The following DOCK6 variants were observed in gnomAD, a reference collection of about 807,000 sequenced individuals.
The protein encoded by DOCK6 is dedicator of cytokinesis 6.
In DOCK6, 167 loss-of-function variants were observed where a neutral mutation model predicts 230.3. The ratio of observed to expected loss-of-function variants is 0.73; its 90% CI spans 0.64 to 0.82. The LOEUF (loss-of-function observed/expected upper bound fraction) is 0.82. Among genes scored for constraint, DOCK6 ranks in the 40% least tolerant of loss-of-function variants. The pLI is 0.00. For synonymous variants in DOCK6, 1,148 were observed against 1,185.0 expected, an observed-to-expected ratio of 0.97 and a Z score of 0.64; for missense variants, 2,598 against 2,825.8, an observed-to-expected ratio of 0.92 and a Z score of 1.83.
At chr19:11,253,286 G>A (rs1375095028) in intron 2 of DOCK6, among the ~76,000 whole-genome samples, 2 of 152,186 alleles carry the variant, frequency 1.3e-5, no homozygotes, top group Non-Finnish European at 2.9e-5. Flanking sequence ...GCAACCCTGT[G>A]GGCAACATGG....
intron 34 of DOCK6, among the ~76,000 whole-genome samples, chr19:11,213,715 GC>G (rs2079432722): frequency 1.3e-5 from 2 of 150,750 alleles, no homozygotes; most frequent in South Asian, 4.2e-4. Flanking sequence ...CCAGGCTCAA[GC>G]CATCCTCCTG....
At position 11,235,599 on chromosome 19, in the gene DOCK6, A is replaced by G. The variant is rs773427799; in HGVS notation, c.2553T>C (p.Asp851=). Reference sequence around the variant, plus strand: ...TCACAGGGATTTCTACAAACTCACCATCCGGGAGGCTGGGCTCAGTGCCAG... The same window carrying G: ...TCACAGGGATTTCTACAAACTCACCGTCCGGGAGGCTGGGCTCAGTGCCAG... ...RLPGTEPSLP[D]GAPPVTVQAA... is the part of the protein sequence containing the mutation. Residue 851 remains aspartate, a splice_region_variant and synonymous_variant, in exon 21 of 48, where the codon GAT becomes GAC. Transcript: ENST00000294618. The G allele has an allele frequency of 3.8e-6, 6 of 1,585,814 alleles. No homozygotes were observed. In the East Asian group the frequency reaches 1.4e-4, roughly 36 times the overall value.
rs887811605 is a variant in DOCK6 at position 11,220,918 on chromosome 19, G to A, written c.3550+933C>T. On this transcript the variant is annotated intron_variant, in intron 28 of 47. Transcript: ENST00000294618. ...CAGCTCACTGCAAGCTCCGCCTCCCGTGTTCATGCCATTCTCCTGCCTCAG... is the reference window on the plus strand; with the variant it reads ...CAGCTCACTGCAAGCTCCGCCTCCCATGTTCATGCCATTCTCCTGCCTCAG... Among the ~76,000 whole-genome samples, 27 of 149,778 alleles carry A rather than the reference G, an allele frequency of 1.8e-4. 1 individual carries two copies. Among genetic ancestry groups the A allele is most frequent in the Admixed American group, 1.1e-3 (17 of 14,830 alleles).
Position 11,253,740 on chromosome 19 carries a change from G to T in DOCK6, c.45-14C>A. ...GCGGCCACCGTCCTGGAAAGATAGG[G>T]AGGGGGCCATTGGGGACGGGAAAAC... On this transcript the variant is annotated splice_polypyrimidine_tract_variant and intron_variant, in intron 1 of 47. Transcript: ENST00000294618. 1 of 1,469,890 alleles carries T rather than the reference G, an allele frequency of 6.8e-7. No individual in the cohort carries two copies. The highest frequency in any genetic ancestry group is 9.0e-7 in the Non-Finnish European group (1 of 1,114,976). The allele number at this position is 1,469,890 out of a possible 1,614,324, so 91.1% of individuals were successfully genotyped here.
rs902601049 is a variant in DOCK6, at chr19:11,237,428, T to C, written c.2073+28A>G. ...GGGAGTGCTTCTGGGGACAGTGCAT[T>C]GGCAGGCAGGAGCTCCAGGGCACAT... is the stretch of plus-strand genomic sequence containing the variant. On this transcript the variant is annotated intron_variant, in intron 18 of 47. Coordinates refer to ENST00000294618, the MANE Select transcript of DOCK6 (RefSeq NM_020812.4). 3.1e-6 allele frequency: 5 copies of C among 1,612,560 alleles called. No individual in the cohort carries two copies. In the Admixed American group the frequency reaches 6.7e-5, roughly 22 times the overall value.
rs769356006 is a variant in DOCK6, at chr19:11,222,818, G to A, written c.3157C>T (p.His1053Tyr). 1 of 1,595,034 alleles carries A rather than the reference G, an allele frequency of 6.3e-7. No homozygotes were observed. Residue 1053 changes from histidine (H) to tyrosine (Y), a missense_variant, in exon 26 of 48, where the codon CAC (histidine) becomes TAC (tyrosine). By Grantham distance (83) the His-to-Tyr change is moderately conservative. Transcript: ENST00000294618. This position sits in a 1 kb window ranked among gnomAD's most constrained non-coding sequence, Gnocchi z 4.0. Reference sequence around the variant, plus strand: ...CAGGGGAGGTTGAGGGTCACGTAGTGCTCGTGGCTGCACAGGATGCGGGTG... The same window carrying A: ...CAGGGGAGGTTGAGGGTCACGTAGTACTCGTGGCTGCACAGGATGCGGGTG... ...EFTRILCSHE[H>Y]YVTLNLPCCP...
intron 5 of DOCK6, chr19:11,251,392 T>C (rs1466447758): frequency 7.2e-6 from 2 of 279,434 alleles, no homozygotes; most frequent in South Asian, 7.3e-5. Flanking sequence ...TCCAAGGGCC[T>C]GGGCTGGGCC....
Position 11,200,214 on chromosome 19 carries a change from G to T in DOCK6, c.6101+94C>A. ...CCAAGCTACCAGCAAACATGTTGCT[G>T]TGTATGTGTACAACAGCCCCCATCC... On this transcript the variant is annotated intron_variant, in intron 47 of 47. Transcript: ENST00000294618. The surrounding 1 kb of genome is among the most constrained non-coding windows in gnomAD (Gnocchi z 4.3). The T allele has an allele frequency of 3.1e-6, 4 of 1,269,882 alleles. No individual in the cohort carries two copies. Among genetic ancestry groups the T allele is most frequent in the Non-Finnish European group, 4.3e-6 (4 of 937,030 alleles). 78.7% of individuals were successfully genotyped at this position (1,269,882 alleles called of 1,614,324 possible).
In DOCK6 at chr19:11,240,254, C is replaced by T. The variant is rs75726972; in HGVS notation, c.1643+1791G>A. On this transcript the variant is annotated intron_variant, in intron 14 of 47. Coordinates refer to ENST00000294618, the MANE Select transcript of DOCK6 (RefSeq NM_020812.4). Reference sequence around the variant, plus strand: ...AGCGGCTAGAAGTCCAGCTGAGGAGCGCCTGGCTGGGCCCTGCCTACCGAG... The same window carrying T: ...AGCGGCTAGAAGTCCAGCTGAGGAGTGCCTGGCTGGGCCCTGCCTACCGAG... The T allele has an allele frequency of 4.2e-5, 67 of 1,584,122 alleles. No individual in the cohort carries two copies. In the East Asian group the frequency reaches 1.2e-3, roughly 28 times the overall value.
chr19:11,208,542 G>A, intron 39 of DOCK6, 144 bp downstream of exon 39: 4 of 1,211,148 alleles, frequency 3.3e-6, no homozygotes, highest in Non-Finnish European at 4.5e-6. Context: ...GCCTCCCAAA[G>A]TGCTGGGGTT....
At chr19:11,212,666 G>A (rs887019603) in intron 35 of DOCK6, among the ~76,000 whole-genome samples, 2 of 149,572 alleles carry the variant, frequency 1.3e-5, no homozygotes, top group Admixed American at 1.3e-4. Context: ...AGGTTCAAGC[G>A]ATTCTCGTGT....
At chr19:11,225,566 C>A (rs1568237186) in intron 24 of DOCK6, among the ~76,000 whole-genome samples, 1 of 152,062 alleles carries the variant, frequency 6.6e-6, no homozygotes, top group South Asian at 2.1e-4. Context: ...GTAGCACGCA[C>A]CTGTAGCCCC....
Position 11,200,442 on chromosome 19 carries a change from C to T in DOCK6, c.5967G>A (p.Lys1989=), listed in dbSNP as rs764458235. The T allele has an allele frequency of 9.9e-6, 16 of 1,611,522 alleles. No homozygotes were observed. In the South Asian group the frequency reaches 1.7e-4, roughly 17 times the overall value. The change falls in exon 47 of 48, where the codon AAG becomes AAA. Residue 1989 remains lysine, a synonymous_variant. Coordinates refer to ENST00000294618, the MANE Select transcript of DOCK6 (RefSeq NM_020812.4). This position sits in a 1 kb window ranked among gnomAD's most constrained non-coding sequence, Gnocchi z 4.3. ...CCTTCTGGTCCGGCCCAATCAGGGCCTTATTTTTCCGCAGCGCATCCTCAC... is the reference window on the plus strand; with the variant it reads ...CCTTCTGGTCCGGCCCAATCAGGGCTTTATTTTTCCGCAGCGCATCCTCAC... The part of the protein sequence containing the change: ...KKCEDALRKN[K]ALIGPDQKEY...
chr19:11,222,381 T>C lies in DOCK6; in HGVS notation c.3241-133A>G. On this transcript the variant is annotated intron_variant, in intron 26 of 47. Coordinates refer to ENST00000294618, the MANE Select transcript of DOCK6 (RefSeq NM_020812.4). This position sits in a 1 kb window ranked among gnomAD's most constrained non-coding sequence, Gnocchi z 4.0. Reference sequence around the variant, plus strand: ...CAGATGAAAGACTGATGTTAAGTCATCTGGAGGTGACAGTGGGCATGGGTT... The same window carrying C: ...CAGATGAAAGACTGATGTTAAGTCACCTGGAGGTGACAGTGGGCATGGGTT... 1 of 1,286,972 alleles carries C rather than the reference T, an allele frequency of 7.8e-7. No homozygotes were observed. Among genetic ancestry groups the C allele is most frequent in the Non-Finnish European group, 1.1e-6 (1 of 942,072 alleles). 79.7% of individuals were successfully genotyped at this position (1,286,972 alleles called of 1,614,324 possible).
chr19:11,235,540 C>A, intron 21 of DOCK6, 58 bp downstream of exon 21: 1 of 1,473,774 alleles, frequency 6.8e-7, no homozygotes. Flanking sequence ...CGTGAGCCAC[C>A]GCACCCAGCC....
At chr19:11,237,983 AT>A in intron 16 of DOCK6, 61 bp downstream of exon 16, 2 of 1,573,520 alleles carry the variant, frequency 1.3e-6, no homozygotes, top group Non-Finnish European at 1.7e-6. Context: ...ATGTGTATAT[AT>A]AAGGGACATC....
intron 30 of DOCK6, 47 bp from the exon 31 acceptor site, chr19:11,215,974 G>C (rs750771118): frequency 2.2e-5 from 35 of 1,608,928 alleles, no homozygotes; most frequent in Non-Finnish European, 2.8e-5. Context: ...TGCTCTTTTC[G>C]GGGGGACCTG....
At chr19:11,247,569 T>A (rs1052794371) in intron 7 of DOCK6, 2 of 153,968 alleles carry the variant, frequency 1.3e-5, no homozygotes, top group African/African-American at 4.8e-5. Context: ...CAAGTCCACA[T>A]CCTGTTCAAC....
At chr19:11,248,033 C>A in intron 7 of DOCK6, 33 bp downstream of exon 7, 1 of 1,585,230 alleles carries the variant, frequency 6.3e-7, no homozygotes, top group Non-Finnish European at 8.6e-7. Flanking sequence ...TTGCTTCACG[C>A]ATCTAAGAAG....
Sources: gnomAD v4.1 joint callset for allele counts (sites outside exome capture counted in the v4.1 genomes callset) on GRCh38, gnomAD v4.1.1 for gene constraint, Gnocchi (gnomAD v3.1) non-coding constraint, MANE v1.5 for transcripts, NCBI Gene and HGNC (gene_info 2026-07-23, HGNC 2026-07-21) for gene names.